The following BCO1 variants were observed in gnomAD, a reference collection of about 807,000 sequenced individuals.
BCO1 encodes beta,beta-carotene 15,15'-dioxygenase.
In BCO1, 54 loss-of-function variants were observed where a neutral mutation model predicts 56.3. The observed-to-expected ratio is 0.96, with a 90% CI of 0.77 to 1.20. The LOEUF (loss-of-function observed/expected upper bound fraction) is 1.20. BCO1 is among the 50% of genes most tolerant of loss of function. BCO1 has a pLI of 0.00. For synonymous variants in BCO1, 318 were observed against 266.1 expected (o/e 1.20, Z -1.90); for missense variants, 801 against 690.9 (o/e 1.16, Z -1.79).
chr16:81,244,665 G>A (rs1243246329), intron 1 of BCO1, among the ~76,000 whole-genome samples: 1 of 151,314 alleles, frequency 6.6e-6, no homozygotes, highest in African/African-American at 2.4e-5. Flanking sequence ...CCACCCGAGG[G>A]CTGTTCTGTT....
intron 5 of BCO1, among the ~76,000 whole-genome samples, chr16:81,266,644 C>T (rs1198778134): frequency 6.6e-6 from 1 of 152,138 alleles, no homozygotes; most frequent in East Asian, 1.9e-4. Context: ...TGGGGATTGT[C>T]TAGGCATTTG....
chr16:81,264,928 C>T, intron 5 of BCO1, 141 bp downstream of exon 5: 1 of 936,350 alleles, frequency 1.1e-6, no homozygotes, highest in Non-Finnish European at 1.7e-6. Flanking sequence ...GAAGTCAGTA[C>T]TTTCCTTTAG....
chr16:81,287,618 C>T (rs768654721), intron 10 of BCO1, among the ~76,000 whole-genome samples: 2 of 152,122 alleles, frequency 1.3e-5, no homozygotes, highest in Non-Finnish European at 2.9e-5. Context: ...TTGAGGGTCC[C>T]CAAGATAGCC....
chr16:81,259,729 A>G lies in BCO1; in HGVS notation c.247A>G (p.Ile83Val), dbSNP rs756317602. Reference sequence around the variant, plus strand: ...GAGAAGCGATACCTACAACACCAATATTGAGGCAAACAGGATTGTGGTGTC... The same window carrying G: ...GAGAAGCGATACCTACAACACCAATGTTGAGGCAAACAGGATTGTGGTGTC... ...YLRSDTYNTN[I>V]EANRIVVSEF... is the part of the protein sequence containing the mutation. The change falls in exon 3 of 11, where the codon ATT becomes GTT. Residue 83 changes from isoleucine to valine, a missense_variant. By Grantham distance (29) the Ile-to-Val change is conservative. Coordinates refer to ENST00000258168, the MANE Select transcript of BCO1 (RefSeq NM_017429.3). 23 of 1,614,078 alleles carry G rather than the reference A, an allele frequency of 1.4e-5. No homozygotes were observed. In the South Asian group the frequency reaches 2.4e-4, roughly 17 times the overall value.
intron 1 of BCO1, among the ~76,000 whole-genome samples, chr16:81,239,636 C>T (rs1905025414): frequency 2.6e-5 from 4 of 152,094 alleles, no homozygotes; most frequent in South Asian, 2.1e-4. Context: ...CTTAGAGGGG[C>T]GTGCATGAGC....
intron 6 of BCO1, among the ~76,000 whole-genome samples, chr16:81,269,350 C>T (rs1000021684): frequency 3.3e-5 from 5 of 150,718 alleles, no homozygotes; most frequent in South Asian, 4.2e-4. Flanking sequence ...CAGGCTGGAG[C>T]GCAGTGGTGC....
In BCO1 at chr16:81,290,819, C is replaced by T. The variant is rs546054553; in HGVS notation, c.*242C>T. 2.9e-4 allele frequency: 133 copies of T among 451,358 alleles called. 1 individual carries two copies. In the East Asian group the frequency reaches 4.5e-3, roughly 15 times the overall value. 28.0% of individuals were successfully genotyped at this position (451,358 alleles called of 1,614,324 possible). The stretch of plus-strand genomic sequence containing the variant: ...TATGTATTGATTAGATCCAGTCCTT[C>T]TAAGAAACCTCCTTTCCTTTAACAA... On this transcript the variant is annotated 3_prime_UTR_variant, in exon 11 of 11. Transcript: ENST00000258168.
intron 2 of BCO1, among the ~76,000 whole-genome samples, chr16:81,258,828 G>C (rs1906305102): frequency 6.6e-6 from 1 of 152,214 alleles, no homozygotes; most frequent in Non-Finnish European, 1.5e-5. Context: ...CGGTTCTGCA[G>C]GCTGTACAGG....
intron 2 of BCO1, among the ~76,000 whole-genome samples, chr16:81,250,285 C>G (rs1905709705): frequency 6.6e-6 from 1 of 152,190 alleles, no homozygotes; most frequent in Non-Finnish European, 1.5e-5. Context: ...TTGTGCAATT[C>G]AGCCCTGTTT....
intron 7 of BCO1, among the ~76,000 whole-genome samples, chr16:81,277,078 A>AAG (rs1555505990): frequency 6.6e-6 from 1 of 151,738 alleles, no homozygotes; most frequent in East Asian, 1.9e-4. Context: ...AAAAAAAAAA[A>AAG]AAAAAAGTAA....
chr16:81,261,744 T>A (rs890880668), intron 3 of BCO1, among the ~76,000 whole-genome samples: 1 of 142,976 alleles, frequency 7.0e-6, no homozygotes, highest in Non-Finnish European at 1.5e-5. Context: ...AAGTAAAGCA[T>A]TTTTTTTTTT....
Position 81,270,345 on chromosome 16 carries a change from T to G in BCO1, c.1030T>G (p.Phe344Val), listed in dbSNP as rs764808400. The change falls in exon 7 of 11, where the codon TTC becomes GTC. Residue 344 changes from phenylalanine to valine, a missense_variant. Coordinates refer to ENST00000258168, the MANE Select transcript of BCO1 (RefSeq NM_017429.3). ...CTACCTGGCCAACCTGAACCAGGAC[T>G]TCAAGGAGAACTCCAGGCTCACCTC... Reference protein sequence around the residue: ...LFYLANLNQDFKENSRLTSVP... With the variant: ...LFYLANLNQDVKENSRLTSVP... The G allele has an allele frequency of 3.1e-6, 5 of 1,614,100 alleles. No homozygotes were observed. The highest frequency in any genetic ancestry group is 4.2e-6 in the Non-Finnish European group (5 of 1,180,026).
intron 2 of BCO1, among the ~76,000 whole-genome samples, chr16:81,258,259 G>A (rs749630458): frequency 2.4e-4 from 36 of 152,280 alleles, no homozygotes; most frequent in South Asian, 4.1e-4. Context: ...TACAGCAGCC[G>A]TAGAAAACTA....
chr16:81,288,002 A>G (rs1908280110), intron 10 of BCO1, among the ~76,000 whole-genome samples: 1 of 152,136 alleles, frequency 6.6e-6, no homozygotes, highest in South Asian at 2.1e-4. Context: ...ACACGGCACA[A>G]GGCCCCACCA....
chr16:81,285,883 C>T (rs1006517797), intron 9 of BCO1, among the ~76,000 whole-genome samples: 2 of 152,076 alleles, frequency 1.3e-5, no homozygotes, highest in East Asian at 3.9e-4. Flanking sequence ...ATTTAATGAG[C>T]ACCAATTATG....
intron 5 of BCO1, among the ~76,000 whole-genome samples, chr16:81,266,788 G>T (rs9936743): frequency 0.1 from 15,746 of 152,072 alleles, 1,318 homozygotes; most frequent in African/African-American, 0.23. Flanking sequence ...CCATGCTGGC[G>T]GTGGCACTGC....
Position 81,273,743 on chromosome 16 carries a change from G to T in BCO1, c.1101+3327G>T, listed in dbSNP as rs376152830. The stretch of plus-strand genomic sequence containing the variant: ...CTGGCAATGCTTGCTGCACAGAGAA[G>T]ACAAGCATGAGAATAAAATAGTGGA... On this transcript the variant is annotated intron_variant, in intron 7 of 10. Coordinates refer to ENST00000258168, the MANE Select transcript of BCO1 (RefSeq NM_017429.3). Among the ~76,000 whole-genome samples the T allele has an allele frequency of 7.3e-5, 11 of 151,552 alleles. No homozygotes were observed. The East Asian group carries it at 2.1e-3, about 29-fold the overall frequency.
intron 9 of BCO1, among the ~76,000 whole-genome samples, chr16:81,285,958 A>T (rs1333834520): frequency 6.6e-6 from 1 of 152,184 alleles, no homozygotes; most frequent in Non-Finnish European, 1.5e-5. Flanking sequence ...CCCTGACCTA[A>T]GGAACTCACC....
intron 10 of BCO1, among the ~76,000 whole-genome samples, chr16:81,288,200 G>A (rs1212659133): frequency 1.4e-5 from 2 of 146,104 alleles, no homozygotes; most frequent in African/African-American, 2.4e-5. Flanking sequence ...TTTCCACTCA[G>A]TGACATTAAA....
Sources: allele counts gnomAD v4.1 joint callset (sites outside exome capture counted in the v4.1 genomes callset), GRCh38; gene constraint gnomAD v4.1.1; transcripts MANE v1.5; gene names NCBI Gene and HGNC (gene_info 2026-07-23, HGNC 2026-07-21).